CDH23: variants seen among roughly 807,000 people sequenced by gnomAD.
The protein encoded by CDH23 is cadherin related 23.
CDH23 carries 189 observed loss-of-function variants against 317.1 expected under a neutral mutation model. The observed-to-expected ratio is 0.60, with a 90% CI of 0.53 to 0.67. The LOEUF (loss-of-function observed/expected upper bound fraction) is 0.67. CDH23 is among the 30% of genes least tolerant of loss of function. The probability of loss-of-function intolerance (pLI) is 0.00; values close to 1 mark genes in which losing one functional copy is unlikely to be tolerated. For synonymous variants in CDH23, 1,839 were observed against 1,876.8 expected (o/e 0.98, Z 0.52); for missense variants, 4,401 against 4,592.4 (o/e 0.96, Z 1.20).
At chr10:71,773,502 G>C (rs985292816) in intron 38 of CDH23, 20 of 1,496,684 alleles carry the variant, frequency 1.3e-5, no homozygotes, top group Non-Finnish European at 1.8e-5. Context: ...CGGCCGGCGC[G>C]GGGAAGCCTC....
chr10:71,778,212 G>A lies in CDH23; in HGVS notation c.5091G>A (p.Glu1697=), dbSNP rs376721494. The stretch of plus-strand genomic sequence containing the variant: ...AGGGTGTCATCACTGCTGCCAAAGA[G>A]CTGGACTACGAGATCAGCCACGGCC... ...RHMGVITAAK[E]LDYEISHGRY... Residue 1697 remains glutamate (E), a synonymous_variant, in exon 40 of 70, where the codon GAG becomes GAA. Transcript: ENST00000224721. 12 of 1,613,726 alleles carry A rather than the reference G, an allele frequency of 7.4e-6. No homozygotes were observed. The highest frequency in any genetic ancestry group is 1.3e-5 in the African/African-American group (1 of 74,858).
At chr10:71,471,212 G>A (rs955078064) in intron 3 of CDH23, among the ~76,000 whole-genome samples, 30 of 152,178 alleles carry the variant, frequency 2.0e-4, no homozygotes, top group African/African-American at 6.0e-4. Context: ...TGCCATCTGC[G>A]CGCAGCCCGG....
In CDH23 at chr10:71,815,304, G is replaced by A. The variant is rs1248888207; in HGVS notation, c.*26G>A. The A allele has an allele frequency of 1.3e-6, 2 of 1,519,428 alleles. No individual in the cohort carries two copies. The highest frequency in any genetic ancestry group is 1.8e-6 in the Non-Finnish European group (2 of 1,125,888). 94.1% of individuals were successfully genotyped at this position (1,519,428 alleles called of 1,614,324 possible). A position where few individuals can be genotyped will look rare whatever the true frequency, so the allele number is the denominator to read the frequency against. On this transcript the variant is annotated 3_prime_UTR_variant, in exon 70 of 70. Coordinates refer to ENST00000224721, the MANE Select transcript of CDH23 (RefSeq NM_022124.6). ...CTAGACAGGGAAGCCTTGTGGGTGT[G>A]AGCAGCACCCATCCACCGTCCCCTC...
chr10:71,712,805 A>T lies in CDH23; in HGVS notation c.3361A>T (p.Ile1121Phe), dbSNP rs200542052. The change falls in exon 28 of 70, where the codon ATC (isoleucine) becomes TTC (phenylalanine). Residue 1121 changes from isoleucine (I) to phenylalanine (F), a missense_variant. Transcript: ENST00000224721. ...TGAGGACATCCCTGAAGGCCACAGC[A>T]TCTTGCAGGCAGGTGGCCCGTGGCC... The part of the protein sequence containing the change: ...VPEDIPEGHS[I>F]LQLKATDADE... 384 of 1,612,118 alleles carry T rather than the reference A, an allele frequency of 2.4e-4. No individual in the cohort carries two copies. In the African/African-American group the frequency reaches 4.5e-3, roughly 19 times the overall value.
chr10:71,806,949 TTTC>T (rs1441049206), intron 57 of CDH23, among the ~76,000 whole-genome samples: 2 of 152,236 alleles, frequency 1.3e-5, no homozygotes, highest in Admixed American at 6.5e-5. Flanking sequence ...ATGGTTGTTT[TTTC>T]TTCTTGTGTG....
chr10:71,649,463 G>A (rs1258946567), intron 14 of CDH23, among the ~76,000 whole-genome samples: 1 of 152,198 alleles, frequency 6.6e-6, no homozygotes, highest in Non-Finnish European at 1.5e-5. Flanking sequence ...CCTGTCCTGG[G>A]GGAAGGTGGT....
chr10:71,696,559 C>A (rs1437758888), intron 22 of CDH23, among the ~76,000 whole-genome samples: 3 of 152,242 alleles, frequency 2.0e-5, no homozygotes, highest in African/African-American at 7.2e-5. Context: ...AACCACCTGG[C>A]CCAGTCCTTA....
At chr10:71,675,268 G>GGA in intron 15 of CDH23, 92 bp downstream of exon 15, 2 of 1,069,376 alleles carry the variant, frequency 1.9e-6, no homozygotes, top group Non-Finnish European at 2.8e-6. Context: ...CAGTGCCCAG[G>GGA]GAGGGAGGTG....
intron 3 of CDH23, among the ~76,000 whole-genome samples, chr10:71,477,756 T>C (rs377312656): frequency 1.3e-5 from 2 of 152,232 alleles, no homozygotes; most frequent in Non-Finnish European, 2.9e-5. Context: ...GCCAACTTTC[T>C]TGTTCTTAAA....
At position 71,811,515 on chromosome 10, in the gene CDH23, C is replaced by T. The variant is rs372434845; in HGVS notation, c.9203C>T (p.Ala3068Val). 32 of 1,613,852 alleles carry T rather than the reference C, an allele frequency of 2.0e-5. No homozygotes were observed. In the African/African-American group the frequency reaches 2.9e-4, roughly 15 times the overall value. Residue 3068 changes from alanine (A) to valine (V), a missense_variant, in exon 64 of 70, where the codon GCG becomes GTG. This residue lies in a region of CDH23 where 1,144 missense variants were observed against 1,138.2 expected (regional missense o/e 1.01). Transcript: ENST00000224721. The stretch of plus-strand genomic sequence containing the variant: ...ACCCTGGTCCTGCTCCCGCAGATGG[C>T]GATCATCGTCCTGGCTATCCTCCTG... ...LPDDMSALQM[A>V]IIVLAILLFL...
intron 38 of CDH23, among the ~76,000 whole-genome samples, chr10:71,763,312 G>T (rs1468121700): frequency 6.6e-6 from 1 of 152,216 alleles, no homozygotes; most frequent in East Asian, 1.9e-4. Flanking sequence ...CCGGCCAGTG[G>T]TATTTTTATT....
intron 18 of CDH23, 29 bp from the exon 19 acceptor site, chr10:71,687,618 C>T (rs1266203172): frequency 1.9e-6 from 3 of 1,610,770 alleles, no homozygotes; most frequent in Non-Finnish European, 2.5e-6. Context: ...TCCCTGCAGC[C>T]TCCTGCAACC....
intron 3 of CDH23, among the ~76,000 whole-genome samples, chr10:71,468,805 G>T (rs1489536270): frequency 6.6e-6 from 1 of 152,320 alleles, no homozygotes; most frequent in Middle Eastern, 3.4e-3. Context: ...CTCTGCCGGG[G>T]CCCGGCAGGA....
chr10:71,567,667 G>T (rs80048003), intron 7 of CDH23, among the ~76,000 whole-genome samples: 1 of 152,204 alleles, frequency 6.6e-6, no homozygotes, highest in African/African-American at 2.4e-5. Flanking sequence ...CAAGAACATC[G>T]CAGCATGCCC....
chr10:71,578,371 G>A (rs987167760), intron 9 of CDH23, among the ~76,000 whole-genome samples: 22 of 152,096 alleles, frequency 1.4e-4, no homozygotes, highest in African/African-American at 5.1e-4. Flanking sequence ...TTTTCTTCTC[G>A]TATTTGATGA....
intron 38 of CDH23, among the ~76,000 whole-genome samples, chr10:71,760,249 A>G (rs1375528762): frequency 0.064 from 435 of 6,796 alleles, 104 homozygotes; most frequent in African/African-American, 0.09. Flanking sequence ...ATATATATGT[A>G]TGTATATATA....
At chr10:71,787,694 T>A (rs1355038213) in intron 44 of CDH23, among the ~76,000 whole-genome samples, 2 of 152,216 alleles carry the variant, frequency 1.3e-5, no homozygotes, top group African/African-American at 2.4e-5. Flanking sequence ...TTCAGTTCCA[T>A]CCATGTTGCT....
At chr10:71,811,191 T>C in intron 62 of CDH23, 124 bp from the exon 63 acceptor site, 1 of 1,397,978 alleles carries the variant, frequency 7.2e-7, no homozygotes, top group Non-Finnish European at 1.0e-6. Context: ...TCCCAGCCGG[T>C]GGACCTCAAT....
chr10:71,705,258 G>A (rs1419163391), intron 25 of CDH23, 128 bp downstream of exon 25: 1 of 854,490 alleles, frequency 1.2e-6, no homozygotes, highest in South Asian at 1.8e-5. Context: ...AGGCTCCCTT[G>A]TTAATGAGGT....
Sources: gnomAD v4.1 joint callset for allele counts (sites outside exome capture counted in the v4.1 genomes callset) on GRCh38, gnomAD v4.1.1 for gene constraint, gnomAD v4.1.1 regional missense constraint, MANE v1.5 for transcripts, NCBI Gene and HGNC (gene_info 2026-07-23, HGNC 2026-07-21) for gene names.